Variants in ZNF746 observed in about 807,000 individuals in gnomAD.
ZNF746 encodes the protein zinc finger protein 746.
ZNF746 carries 13 observed loss-of-function variants against 41.0 expected under a neutral mutation model. That is an observed-to-expected ratio of 0.32 (90% CI 0.21 to 0.50). The LOEUF (loss-of-function observed/expected upper bound fraction) is 0.50, where lower values mean the gene tolerates loss of function less well. Ranked by LOEUF, ZNF746 falls within the 20% of genes least tolerant of loss-of-function variation. The pLI is 0.98. For synonymous variants in ZNF746, 424 were observed against 396.2 expected (o/e 1.07, Z -0.83); for missense variants, 811 against 922.9 (o/e 0.88, Z 1.57).
rs761992948 is a variant in ZNF746 at position 149,494,206 on chromosome 7, T to C, written c.322A>G (p.Lys108Glu). ...LPPGSKGESP[K>E]VPVTFDDVAV... is the part of the protein sequence containing the mutation. ...ACCCCAAGGCGTCCCAGGGCTACCT[T>C]AGGGGACTCCCCCTTGCTGCCCGGG... Residue 108 changes from lysine to glutamate, a missense_variant and splice_region_variant, in exon 2 of 7, where the codon AAG becomes GAG. Coordinates refer to ENST00000458143, the MANE Select transcript of ZNF746 (RefSeq NM_001394198.1). This position sits in a 1 kb window ranked among gnomAD's most constrained non-coding sequence, Gnocchi z 5.6. 3.1e-6 allele frequency: 5 copies of C among 1,614,068 alleles called. No individual in the cohort carries two copies. Among genetic ancestry groups the C allele is most frequent in the South Asian group, 1.1e-5 (1 of 91,072 alleles).
chr7:149,492,842 C>G lies in ZNF746; in HGVS notation c.565+17G>C, dbSNP rs759076200. The G allele has an allele frequency of 6.3e-7, 1 of 1,593,572 alleles. No individual in the cohort carries two copies. The highest frequency in any genetic ancestry group is 8.6e-7 in the Non-Finnish European group (1 of 1,162,456). On this transcript the variant is annotated intron_variant, in intron 4 of 6. Coordinates refer to ENST00000458143, the MANE Select transcript of ZNF746 (RefSeq NM_001394198.1). ...GCACAATACCTGATGCCTCCCTGGC[C>G]TTCTCCCAGCCCTTACCTGGACTGG...
intron 4 of ZNF746, among the ~76,000 whole-genome samples, chr7:149,483,002 C>G (rs970813483): frequency 3.9e-5 from 6 of 152,106 alleles, no homozygotes; most frequent in Non-Finnish European, 5.9e-5. Context: ...GCTTTTTAAG[C>G]TACAGAGCGT....
chr7:149,497,066 G>A lies in ZNF746; in HGVS notation c.24+447C>T, dbSNP rs1801023046. The A allele has an allele frequency of 1.0e-6, 1 of 985,310 alleles. No homozygotes were observed. Among genetic ancestry groups the A allele is most frequent in the African/African-American group, 1.7e-5 (1 of 57,244 alleles). 61.0% of individuals were successfully genotyped at this position (985,310 alleles called of 1,614,324 possible). ...TTCCCTTCCGCGCCGACCCCGGGAA[G>A]CTGGGCACGTAGTGGGAGTCGGTGT... is the stretch of plus-strand genomic sequence containing the variant. On this transcript the variant is annotated intron_variant, in intron 1 of 6. Transcript: ENST00000458143. This position sits in a 1 kb window ranked among gnomAD's most constrained non-coding sequence, Gnocchi z 4.2.
Position 149,475,002 on chromosome 7 carries a change from C to T in ZNF746, c.1365G>A (p.Gly455=), listed in dbSNP as rs1347192856. 7 of 1,549,920 alleles carry T rather than the reference C, an allele frequency of 4.5e-6. No individual in the cohort carries two copies. In the African/African-American group the frequency reaches 5.5e-5, roughly 12 times the overall value. ...GRTKGFGHKP[G]LKKHPAAPPG... is the part of the protein sequence containing the mutation. ...GGGGCGCCGCGGGGTGCTTCTTCAG[C>T]CCTGGCTTGTGGCCAAAGCCTTTGG... The change falls in exon 7 of 7, where the codon GGG becomes GGA. Residue 455 remains glycine, a synonymous_variant. Coordinates refer to ENST00000458143, the MANE Select transcript of ZNF746 (RefSeq NM_001394198.1).
chr7:149,489,821 G>A (rs896480840), intron 4 of ZNF746: 5 of 152,812 alleles, frequency 3.3e-5, no homozygotes, highest in African/African-American at 1.2e-4. Flanking sequence ...AGAGTAGAGG[G>A]GACAAGGCCA....
At chr7:149,479,026 C>G (rs870970) in intron 4 of ZNF746, among the ~76,000 whole-genome samples, 6 of 151,964 alleles carry the variant, frequency 3.9e-5, no homozygotes, top group African/African-American at 1.4e-4. Context: ...GTTAAGAGAC[C>G]TGGAGGACAG....
At position 149,493,979 on chromosome 7, in the gene ZNF746, C is replaced by G. The variant is rs577470629; in HGVS notation, c.451+10G>C. 33 of 1,614,206 alleles carry G rather than the reference C, an allele frequency of 2.0e-5. No homozygotes were observed. In the Admixed American group the frequency reaches 5.3e-4, roughly 26 times the overall value. On this transcript the variant is annotated intron_variant, in intron 3 of 6. Coordinates refer to ENST00000458143, the MANE Select transcript of ZNF746 (RefSeq NM_001394198.1). ...TCCCATTTAACAGAGAAATGAGTGT[C>G]AGGCCTTACCCAGGGAGACCAGCGT...
intron 4 of ZNF746, among the ~76,000 whole-genome samples, chr7:149,486,392 A>G (rs1237623877): frequency 1.4e-5 from 2 of 144,666 alleles, no homozygotes; most frequent in Non-Finnish European, 3.0e-5. Flanking sequence ...TTACATATGC[A>G]TAAGAATGTT....
chr7:149,497,562 G>A lies in ZNF746; in HGVS notation c.-26C>T, dbSNP rs572938915. On this transcript the variant is annotated 5_prime_UTR_variant, in exon 1 of 7. Transcript: ENST00000458143. The surrounding 1 kb of genome is among the most constrained non-coding windows in gnomAD (Gnocchi z 4.2). ...GGCCCTGCGCTGTCCCGCCCGGCCC[G>A]GAGGAAGTCGTCGTCGCCGCCGCCG... is the stretch of plus-strand genomic sequence containing the variant. 14 of 1,057,870 alleles carry A rather than the reference G, an allele frequency of 1.3e-5. No homozygotes were observed. Among genetic ancestry groups the A allele is most frequent in the African/African-American group, 8.6e-5 (5 of 58,466 alleles). The allele number at this position is 1,057,870 out of a possible 1,614,324, so 65.5% of individuals were successfully genotyped here.
At chr7:149,478,479 G>A (rs1055707530) in intron 4 of ZNF746, among the ~76,000 whole-genome samples, 7 of 152,308 alleles carry the variant, frequency 4.6e-5, no homozygotes, top group South Asian at 2.1e-4. Flanking sequence ...CTACCCACAC[G>A]GGCAGACACC....
rs768543309 is a variant in ZNF746, at chr7:149,474,865, G to A, written c.1502C>T (p.Thr501Ile). Residue 501 changes from threonine to isoleucine, a missense_variant, in exon 7 of 7, where the codon ACA becomes ATA. Thr to Ile is a moderately conservative substitution (Grantham distance 89, BLOSUM62 -1). Transcript: ENST00000458143. This position sits in a 1 kb window ranked among gnomAD's most constrained non-coding sequence, Gnocchi z 6.3. ...GCCACTGCCGCTGCCGCCACCGCCT[G>A]TGCCCGGGCCCGACCCGTCGGGCGC... Reference protein sequence around the residue: ...CGAPDGSGPGTGGGGSGSGGG... With the variant: ...CGAPDGSGPGIGGGGSGSGGG... 1.4e-6 allele frequency: 2 copies of A among 1,471,390 alleles called. No individual in the cohort carries two copies. The highest frequency in any genetic ancestry group is 2.6e-5 in the South Asian group (2 of 77,902). 91.1% of individuals were successfully genotyped at this position (1,471,390 alleles called of 1,614,324 possible). A position where few individuals can be genotyped will look rare whatever the true frequency, so the allele number is the denominator to read the frequency against.
chr7:149,474,582 G>A lies in ZNF746; in HGVS notation c.1785C>T (p.Asp595=). 6.2e-7 allele frequency: 1 copy of A among 1,612,276 alleles called. No homozygotes were observed. The highest frequency in any genetic ancestry group is 8.5e-7 in the Non-Finnish European group (1 of 1,178,998). The change falls in exon 7 of 7, where the codon GAC becomes GAT. Residue 595 remains aspartate, a synonymous_variant. Transcript: ENST00000458143. This position sits in a 1 kb window ranked among gnomAD's most constrained non-coding sequence, Gnocchi z 6.3. ...TVCGKSFIRK[D]HLRKHQRNHA... ...GGTTGCGCTGGTGCTTGCGGAGGTGGTCCTTGCGGATGAAGCTTTTGCCGC... is the reference window on the plus strand; with the variant it reads ...GGTTGCGCTGGTGCTTGCGGAGGTGATCCTTGCGGATGAAGCTTTTGCCGC...
chr7:149,476,357 T>G (rs1800302766), intron 6 of ZNF746, among the ~76,000 whole-genome samples: 1 of 151,160 alleles, frequency 6.6e-6, no homozygotes, highest in African/African-American at 2.4e-5. Context: ...TGTGTTTGAT[T>G]TTATATAAGC....
chr7:149,483,014 A>G (rs1800526235), intron 4 of ZNF746, among the ~76,000 whole-genome samples: 1 of 152,248 alleles, frequency 6.6e-6, no homozygotes, highest in African/African-American at 2.4e-5. Flanking sequence ...ACAGAGCGTT[A>G]AGGAAAAATG....
At chr7:149,477,390 A>G (rs1265625061) in intron 5 of ZNF746, among the ~76,000 whole-genome samples, 174 bp downstream of exon 5, 1 of 152,112 alleles carries the variant, frequency 6.6e-6, no homozygotes, top group African/African-American at 2.4e-5. Flanking sequence ...GCCACCCGAG[A>G]GAGGCTCGAG....
At chr7:149,496,662 A>T (rs2116507316) in intron 1 of ZNF746, among the ~76,000 whole-genome samples, 1 of 152,088 alleles carries the variant, frequency 6.6e-6, no homozygotes, top group African/African-American at 2.4e-5. Context: ...TGGGCCTGAA[A>T]TCCTAGCCTT....
At chr7:149,486,473 A>C (rs1049065615) in intron 4 of ZNF746, among the ~76,000 whole-genome samples, 1 of 152,240 alleles carries the variant, frequency 6.6e-6, no homozygotes, top group Admixed American at 6.5e-5. Context: ...AGAAGGAATA[A>C]ATACATTGTA....
chr7:149,485,099 G>A (rs1800583309), intron 4 of ZNF746, among the ~76,000 whole-genome samples: 1 of 141,582 alleles, frequency 7.1e-6, no homozygotes, highest in South Asian at 2.2e-4. Context: ...GTCCCCAACA[G>A]CAACAAACAG....
Position 149,473,041 on chromosome 7 carries a change from G to A in ZNF746, c.*1343C>T, listed in dbSNP as rs947056670. 6.6e-6 allele frequency: 1 copy of A among 152,202 alleles called. No individual in the cohort carries two copies. Among genetic ancestry groups the A allele is most frequent in the Non-Finnish European group, 1.5e-5 (1 of 68,048 alleles). The allele number at this position is 152,202 out of a possible 1,614,324, so 9.4% of individuals were successfully genotyped here. A position where few individuals can be genotyped will look rare whatever the true frequency, so the allele number is the denominator to read the frequency against. On this transcript the variant is annotated 3_prime_UTR_variant, in exon 7 of 7. Transcript: ENST00000458143. ...TTCAACAAAACAGGAATGGATATTTGTGTGGTAGGAACAGCACTGTGGTCG... is the reference window on the plus strand; with the variant it reads ...TTCAACAAAACAGGAATGGATATTTATGTGGTAGGAACAGCACTGTGGTCG...
Sources: gnomAD v4.1 joint callset for allele counts (sites outside exome capture counted in the v4.1 genomes callset) on GRCh38, gnomAD v4.1.1 for gene constraint, Gnocchi (gnomAD v3.1) non-coding constraint, MANE v1.5 for transcripts, NCBI Gene and HGNC (gene_info 2026-07-23, HGNC 2026-07-21) for gene names.